Variants in COL9A1 observed in about 807,000 individuals in gnomAD.
COL9A1 encodes collagen type IX alpha 1 chain.
Under a neutral mutation model 142.6 loss-of-function variants are expected in COL9A1, and 104 were observed. The ratio of observed to expected loss-of-function variants is 0.73; its 90% CI spans 0.62 to 0.86. COL9A1 has a LOEUF of 0.86. COL9A1 is among the 40% of genes least tolerant of loss of function. COL9A1 has a pLI of 0.00. For synonymous variants in COL9A1, 466 were observed against 396.0 expected (o/e 1.18, Z -2.10); for missense variants, 1,210 against 1,176.6 (o/e 1.03, Z -0.42).
rs759120245 is a variant in COL9A1, at chr6:70,300,296, C to T, written c.166+13G>A. ...GAAAGCATGCATTTTCAATAGGGTA[C>T]ATTGCTACTCACCTGGTAAGTCATC... On this transcript the variant is annotated intron_variant, in intron 3 of 37. Transcript: ENST00000357250. 6.2e-7 allele frequency: 1 copy of T among 1,610,454 alleles called. No individual in the cohort carries two copies. Among genetic ancestry groups the T allele is most frequent in the East Asian group, 2.2e-5 (1 of 44,820 alleles).
At chr6:70,282,752 G>C (rs982542415) in intron 7 of COL9A1, 146 bp downstream of exon 7, 55 of 1,231,096 alleles carry the variant, frequency 4.5e-5, no homozygotes, top group Non-Finnish European at 6.2e-5. Context: ...GATAGGACTC[G>C]CGGCAGGTGC....
In COL9A1 at chr6:70,252,262, C is replaced by T. The variant is rs1296099818; in HGVS notation, c.1818G>A (p.Pro606=). The T allele has an allele frequency of 7.4e-6, 12 of 1,614,028 alleles. No individual in the cohort carries two copies. The highest frequency in any genetic ancestry group is 2.2e-5 in the East Asian group (1 of 44,900). Reference sequence around the variant, plus strand: ...CAGGAGAGGTAAAATGGTGTCTTACCGGTTTGCCTGAATTTCCCATCTGAC... The same window carrying T: ...CAGGAGAGGTAAAATGGTGTCTTACTGGTTTGCCTGAATTTCCCATCTGAC... ...KPGQMGNSGK[P]GQQGPPGEVG... The change falls in exon 27 of 38, where the codon CCG becomes CCA. Residue 606 remains proline (P), a splice_region_variant and synonymous_variant. Coordinates refer to ENST00000357250, the MANE Select transcript of COL9A1 (RefSeq NM_001851.6).
At chr6:70,253,450 T>G (rs1562304606) in intron 25 of COL9A1, 21 bp from the exon 26 acceptor site, 1 of 1,587,056 alleles carries the variant, frequency 6.3e-7, no homozygotes. Context: ...ACATACACAA[T>G]CCTAGTTTAA....
At chr6:70,281,525 G>A in intron 7 of COL9A1, 61 bp from the exon 8 acceptor site, 1 of 1,389,564 alleles carries the variant, frequency 7.2e-7, no homozygotes, top group East Asian at 2.4e-5. Flanking sequence ...GCAACTGAGC[G>A]CGGTGCCCTG....
chr6:70,234,221 T>A (rs1562292198), intron 35 of COL9A1, among the ~76,000 whole-genome samples: 1 of 147,136 alleles, frequency 6.8e-6, no homozygotes, highest in East Asian at 1.9e-4. Flanking sequence ...AGAATTTGTG[T>A]TCCAAAGGAA....
intron 5 of COL9A1, among the ~76,000 whole-genome samples, chr6:70,286,761 C>A (rs950603054): frequency 5.3e-5 from 8 of 152,162 alleles, no homozygotes; most frequent in Non-Finnish European, 1.2e-4. Flanking sequence ...TCTATGTAGA[C>A]TAAACCCGGC....
chr6:70,235,996 C>T (rs1769883465), intron 33 of COL9A1, among the ~76,000 whole-genome samples: 2 of 151,234 alleles, frequency 1.3e-5, no homozygotes, highest in South Asian at 2.1e-4. Context: ...GCCTGTAGTC[C>T]CAGCTACTCA....
At chr6:70,234,497 G>C in intron 35 of COL9A1, 42 bp downstream of exon 35, 1 of 1,595,806 alleles carries the variant, frequency 6.3e-7, no homozygotes, top group South Asian at 1.1e-5. Context: ...TAAGAAACAA[G>C]AGTTGATGGT....
At chr6:70,260,628 G>A in intron 20 of COL9A1, 29 bp downstream of exon 20, 1 of 1,599,564 alleles carries the variant, frequency 6.3e-7, no homozygotes, top group East Asian at 2.2e-5. Context: ...ACACATTTTG[G>A]TATTATATTA....
intron 6 of COL9A1, among the ~76,000 whole-genome samples, chr6:70,283,442 T>C (rs1773301521): frequency 6.6e-6 from 1 of 152,172 alleles, no homozygotes; most frequent in African/African-American, 2.4e-5. Flanking sequence ...AGAACTCAAG[T>C]GTTCTTGGAC....
chr6:70,271,729 C>G, intron 13 of COL9A1, 21 bp from the exon 14 acceptor site: 1 of 1,609,016 alleles, frequency 6.2e-7, no homozygotes, highest in African/African-American at 1.3e-5. Context: ...CAAATCAAAG[C>G]AAATGGTCAT....
At chr6:70,280,738 C>CA in intron 10 of COL9A1, 74 bp downstream of exon 10, 1 of 1,510,442 alleles carries the variant, frequency 6.6e-7, no homozygotes, top group South Asian at 1.2e-5. Flanking sequence ...TCCCTCCCCC[C>CA]CCACAAAACA....
chr6:70,262,334 G>C (rs529947767), intron 19 of COL9A1, among the ~76,000 whole-genome samples: 23 of 152,294 alleles, frequency 1.5e-4, no homozygotes, highest in Non-Finnish European at 3.2e-4. Flanking sequence ...CTTGAAAGCA[G>C]AGACCATTTC....
At chr6:70,255,494 C>T in intron 21 of COL9A1, 104 bp from the exon 22 acceptor site, 1 of 982,734 alleles carries the variant, frequency 1.0e-6, no homozygotes, top group Admixed American at 1.8e-5. Flanking sequence ...TAGTCTTCCA[C>T]CACAATGGCT....
In COL9A1 at chr6:70,267,632, A is replaced by C. The variant is rs561176422; in HGVS notation, c.1288-862T>G. Reference sequence around the variant, plus strand: ...CCACCGCGCCCGGCCTACTGTGTACAGTTTTTAAGTGCAAAGGGAAAGCAA... The same window carrying C: ...CCACCGCGCCCGGCCTACTGTGTACCGTTTTTAAGTGCAAAGGGAAAGCAA... On this transcript the variant is annotated intron_variant, in intron 17 of 37. Coordinates refer to ENST00000357250, the MANE Select transcript of COL9A1 (RefSeq NM_001851.6). Among the ~76,000 whole-genome samples, 128 of 152,236 alleles carry C rather than the reference A, an allele frequency of 8.4e-4. 1 individual carries two copies. Among genetic ancestry groups the C allele is most frequent in the African/African-American group, 3.0e-3 (123 of 41,546 alleles).
Position 70,282,937 on chromosome 6 carries a change from G to A in COL9A1, c.781-19C>T, listed in dbSNP as rs769724432. 1 of 1,614,184 alleles carries A rather than the reference G, an allele frequency of 6.2e-7. No individual in the cohort carries two copies. The highest frequency in any genetic ancestry group is 1.1e-5 in the South Asian group (1 of 91,084). On this transcript the variant is annotated intron_variant, in intron 6 of 37. Coordinates refer to ENST00000357250, the MANE Select transcript of COL9A1 (RefSeq NM_001851.6). ...GGCTGGGCTGGAGAAGAAAAGATGG[G>A]GAGAAAGTGAGAAAAGCACCCCTCA...
intron 36 of COL9A1, among the ~76,000 whole-genome samples, chr6:70,227,208 A>C (rs532555003): frequency 1.3e-5 from 2 of 152,076 alleles, no homozygotes; most frequent in Non-Finnish European, 2.9e-5. Flanking sequence ...AAGAATCAAA[A>C]GAAAACAAGG....
In COL9A1 at chr6:70,300,414, C is replaced by T. The variant is rs183387139; in HGVS notation, c.89-28G>A. The T allele has an allele frequency of 7.0e-3, 8,555 of 1,230,038 alleles. 89 individuals are homozygous for T. The highest frequency in any genetic ancestry group is 0.028 in the South Asian group (2,355 of 83,470). The allele number at this position is 1,230,038 out of a possible 1,614,324, so 76.2% of individuals were successfully genotyped here. A position where few individuals can be genotyped will look rare whatever the true frequency, so the allele number is the denominator to read the frequency against. The stretch of plus-strand genomic sequence containing the variant: ...GCAAAAGAGATAGCATGTCATTCTA[C>T]TTCATCCACTCTAACTTAAAGTATA... On this transcript the variant is annotated intron_variant, in intron 2 of 37. Coordinates refer to ENST00000357250, the MANE Select transcript of COL9A1 (RefSeq NM_001851.6).
At chr6:70,269,567 A>T in intron 16 of COL9A1, 66 bp downstream of exon 16, 4 of 1,089,970 alleles carry the variant, frequency 3.7e-6, no homozygotes, top group Admixed American at 1.7e-5. Context: ...TTTTAAAGAA[A>T]ACTCATCTGC....
Sources: allele counts gnomAD v4.1 joint callset (sites outside exome capture counted in the v4.1 genomes callset), GRCh38; gene constraint gnomAD v4.1.1; transcripts MANE v1.5; gene names NCBI Gene and HGNC (gene_info 2026-07-23, HGNC 2026-07-21).